DLGAP2: variants seen among roughly 807,000 people sequenced by gnomAD.
DLGAP2 encodes DLG associated protein 2.
In DLGAP2, 26 loss-of-function variants were observed where a neutral mutation model predicts 100.3. The ratio of observed to expected loss-of-function variants is 0.26; its 90% CI spans 0.19 to 0.36. The LOEUF (loss-of-function observed/expected upper bound fraction) is 0.36, where lower values mean the gene tolerates loss of function less well. Among genes scored for constraint, DLGAP2 ranks in the 10% least tolerant of loss-of-function variants. The pLI, the probability that DLGAP2 is intolerant of heterozygous loss-of-function variation, is 1.00. For missense variants in DLGAP2, 1,858 were observed against 1,453.2 expected, an observed-to-expected ratio of 1.28 and a Z score of -4.53; for synonymous variants, 886 against 630.1, an observed-to-expected ratio of 1.41 and a Z score of -6.08.
intron 2 of DLGAP2, among the ~76,000 whole-genome samples, chr8:1,210,847 C>G (rs1029657618): frequency 9.9e-5 from 15 of 152,264 alleles, no homozygotes; most frequent in Middle Eastern, 6.8e-3. Context: ...TAAGGTCACT[C>G]CCCTGTAGTT....
chr8:945,902 T>C (rs1799307143), intron 2 of DLGAP2, among the ~76,000 whole-genome samples: 1 of 152,144 alleles, frequency 6.6e-6, no homozygotes, highest in Admixed American at 6.5e-5. Context: ...GAAGTTCCCA[T>C]GTTTCCTTGA....
chr8:1,553,242 C>T (rs1190741631), intron 5 of DLGAP2, among the ~76,000 whole-genome samples: 3 of 152,310 alleles, frequency 2.0e-5, no homozygotes, highest in Middle Eastern at 3.4e-3. Context: ...AGTCTCCCAC[C>T]GCGTCCTGCG....
rs141787802 is a variant in DLGAP2 at position 1,327,016 on chromosome 8, CAGTGAT to C, written c.106+68134_106+68139del. ...CTATGAGGGTGAACTAAGGCCTAGG[CAGTGAT>C]TCTGAAGCAAATGTTTCCATTGCGA... On this transcript the variant is annotated intron_variant, in intron 3 of 14. Transcript: ENST00000637795. Among the ~76,000 whole-genome samples, 639 of 152,352 alleles carry C rather than the reference CAGTGAT, an allele frequency of 4.2e-3. 3 individuals carry two copies. The highest frequency in any genetic ancestry group is 0.015 in the African/African-American group (606 of 41,582).
intron 3 of DLGAP2, among the ~76,000 whole-genome samples, chr8:1,463,929 T>C (rs924207874): frequency 1.3e-5 from 2 of 152,196 alleles, no homozygotes; most frequent in Non-Finnish European, 2.9e-5. Context: ...CACGTGGAGC[T>C]TTCACAGTTG....
chr8:1,058,254 C>A (rs1008474182), intron 2 of DLGAP2, among the ~76,000 whole-genome samples: 1 of 152,026 alleles, frequency 6.6e-6, no homozygotes, highest in African/African-American at 2.4e-5. Flanking sequence ...TTGCTAAAGA[C>A]CTTCTTTTGG....
chr8:1,300,003 C>T (rs1800293206), intron 3 of DLGAP2: 1 of 152,194 alleles, frequency 6.6e-6, no homozygotes, highest in Admixed American at 6.5e-5. Flanking sequence ...TCACTGTGTC[C>T]TCAGGGAGAC....
At chr8:1,281,746 T>TC (rs971043149) in intron 3 of DLGAP2, among the ~76,000 whole-genome samples, 4 of 152,138 alleles carry the variant, frequency 2.6e-5, no homozygotes, top group African/African-American at 9.7e-5. Flanking sequence ...TTGAAAGCCT[T>TC]CCCCGGGGAG....
At chr8:1,193,697 G>T (rs1353830449) in intron 2 of DLGAP2, among the ~76,000 whole-genome samples, 1 of 152,108 alleles carries the variant, frequency 6.6e-6, no homozygotes, top group African/African-American at 2.4e-5. Flanking sequence ...GTCTCGCGTG[G>T]CTGGCCCTCT....
At chr8:1,264,656 C>T (rs1159440188) in intron 3 of DLGAP2, among the ~76,000 whole-genome samples, 1 of 152,122 alleles carries the variant, frequency 6.6e-6, no homozygotes, top group Non-Finnish European at 1.5e-5. Context: ...TTCTTGACAA[C>T]ATAGGGGTCA....
intron 2 of DLGAP2, among the ~76,000 whole-genome samples, chr8:1,028,664 A>G (rs1398499058): frequency 1.3e-5 from 2 of 152,224 alleles, no homozygotes; most frequent in African/African-American, 4.8e-5. Flanking sequence ...CTGGAGAGCC[A>G]TCCAGGAGCT....
At chr8:862,702 T>C (rs1365556601) in intron 1 of DLGAP2, among the ~76,000 whole-genome samples, 1 of 152,148 alleles carries the variant, frequency 6.6e-6, no homozygotes, top group Non-Finnish European at 1.5e-5. Flanking sequence ...GAACAGATCT[T>C]GTCCACCGTT....
Position 1,701,488 on chromosome 8 carries a change from T to C in DLGAP2, c.*82T>C. ...CGCGGCGCCGCCCTGGTGGTTTCTG[T>C]CTCCTCCTCCCGCTGAACACGTCCT... On this transcript the variant is annotated 3_prime_UTR_variant, in exon 15 of 15. Transcript: ENST00000637795. 7.2e-7 allele frequency: 1 copy of C among 1,383,686 alleles called. No individual in the cohort carries two copies. Among genetic ancestry groups the C allele is most frequent in the South Asian group, 1.3e-5 (1 of 74,472 alleles). 85.7% of individuals were successfully genotyped at this position (1,383,686 alleles called of 1,614,324 possible). A position where few individuals can be genotyped will look rare whatever the true frequency, so the allele number is the denominator to read the frequency against.
chr8:1,626,193 G>A (rs77246865), intron 6 of DLGAP2, among the ~76,000 whole-genome samples: 5 of 143,456 alleles, frequency 3.5e-5, no homozygotes, highest in African/African-American at 1.1e-4. Flanking sequence ...ACCCTGTGGC[G>A]GGTGCTCAGC....
intron 1 of DLGAP2, among the ~76,000 whole-genome samples, chr8:869,517 A>AGT (rs1380934667): frequency 6.6e-6 from 1 of 152,266 alleles, no homozygotes; most frequent in East Asian, 1.9e-4. Context: ...CTCCGTGGAA[A>AGT]GTGATAGCAT....
At chr8:1,309,092 C>G (rs1025536801) in intron 3 of DLGAP2, among the ~76,000 whole-genome samples, 3 of 152,040 alleles carry the variant, frequency 2.0e-5, no homozygotes, top group Non-Finnish European at 4.4e-5. Context: ...GGAGCCGAAA[C>G]TTGAGGGTCT....
intron 2 of DLGAP2, among the ~76,000 whole-genome samples, chr8:1,256,053 CTCA>C (rs1338390744): frequency 1.4e-4 from 18 of 127,080 alleles, no homozygotes; most frequent in Admixed American, 2.3e-4. Flanking sequence ...TGTGTGTCCT[CTCA>C]TCCTGCCTGG....
intron 4 of DLGAP2, among the ~76,000 whole-genome samples, chr8:1,506,448 C>T (rs1458075416): frequency 3.3e-5 from 5 of 152,214 alleles, no homozygotes; most frequent in Admixed American, 6.5e-5. Context: ...TCCTTCTGGT[C>T]GGTTTGTGGT....
At chr8:1,693,876 C>G (rs1799314444) in intron 13 of DLGAP2, among the ~76,000 whole-genome samples, 1 of 152,174 alleles carries the variant, frequency 6.6e-6, no homozygotes, top group African/African-American at 2.4e-5. Flanking sequence ...TGTGAACGTT[C>G]TTGCCTCCTC....
chr8:1,291,723 G>T (rs1354216946), intron 3 of DLGAP2, among the ~76,000 whole-genome samples: 1 of 152,054 alleles, frequency 6.6e-6, no homozygotes, highest in East Asian at 1.9e-4. Context: ...TCAAAGTTGG[G>T]TGTTCCAGTG....
Sources: gnomAD v4.1 joint callset for allele counts (sites outside exome capture counted in the v4.1 genomes callset) on GRCh38, gnomAD v4.1.1 for gene constraint, MANE v1.5 for transcripts, NCBI Gene and HGNC (gene_info 2026-07-23, HGNC 2026-07-21) for gene names.